The following CUL3 variants were observed in gnomAD, a reference collection of about 807,000 sequenced individuals.
CUL3 encodes the protein cullin-3.
A neutral mutation model predicts 89.1 loss-of-function variants in CUL3; 19 were observed. The observed-to-expected ratio is 0.21, with a 90% CI of 0.15 to 0.31. The LOEUF is 0.31. CUL3 is among the 10% of genes least tolerant of loss of function. The probability of loss-of-function intolerance (pLI) is 1.00; values close to 1 mark genes in which losing one functional copy is unlikely to be tolerated. For synonymous variants in CUL3, 351 were observed against 308.4 expected (o/e 1.14, Z -1.45); for missense variants, 469 against 942.3 (o/e 0.50, Z 6.58).
At chr2:224,573,831 T>C (rs1695240883) in intron 1 of CUL3, among the ~76,000 whole-genome samples, 1 of 152,178 alleles carries the variant, frequency 6.6e-6, no homozygotes, top group African/African-American at 2.4e-5. Flanking sequence ...AGTAACCACA[T>C]TATACTTAAA....
rs187908003 is a variant in CUL3, at chr2:224,485,760, G to A, written c.1843-3682C>T. On this transcript the variant is annotated intron_variant, in intron 13 of 15. Transcript: ENST00000264414. This position sits in a 1 kb window ranked among gnomAD's most constrained non-coding sequence, Gnocchi z 4.1. ...CCACAGCGCAGCACTCCAGCTCTGC[G>A]AAGGGACAGACTGCCTCCTCAAGTG... Among the ~76,000 whole-genome samples, 3 of 152,332 alleles carry A rather than the reference G, an allele frequency of 2.0e-5. No individual in the cohort carries two copies. Among genetic ancestry groups the A allele is most frequent in the East Asian group, 1.9e-4 (1 of 5,172 alleles).
intron 1 of CUL3, among the ~76,000 whole-genome samples, chr2:224,561,856 T>C (rs1694911426): frequency 6.6e-6 from 1 of 152,156 alleles, no homozygotes. Context: ...ATGCTGAGGT[T>C]CTAATAAAGC....
At chr2:224,582,903 C>G (rs1290504057) in intron 1 of CUL3, among the ~76,000 whole-genome samples, 1 of 152,094 alleles carries the variant, frequency 6.6e-6, no homozygotes, top group African/African-American at 2.4e-5. Context: ...AGCAGGGAAA[C>G]CTGAAGAGGT....
intron 1 of CUL3, among the ~76,000 whole-genome samples, chr2:224,567,431 A>T (rs1451828152): frequency 6.6e-6 from 1 of 151,920 alleles, no homozygotes; most frequent in Non-Finnish European, 1.5e-5. Context: ...TTTGTTGCCC[A>T]GGGTGGTGTT....
Position 224,496,056 on chromosome 2 carries a change from G to C in CUL3, c.1708-90C>G, listed in dbSNP as rs1196341988. On this transcript the variant is annotated intron_variant, in intron 12 of 15. Transcript: ENST00000264414. The stretch of plus-strand genomic sequence containing the variant: ...ATGTACGTACATATGTATGTTACAG[G>C]GTCTCACTTTGTCATCCAGGCTACA... 21 of 1,399,482 alleles carry C rather than the reference G, an allele frequency of 1.5e-5. No individual in the cohort carries two copies. In the Admixed American group the frequency reaches 2.4e-4, roughly 16 times the overall value. The allele number at this position is 1,399,482 out of a possible 1,614,324, so 86.7% of individuals were successfully genotyped here.
chr2:224,546,457 G>GA (rs143880314), intron 2 of CUL3, among the ~76,000 whole-genome samples: 1,589 of 148,212 alleles, frequency 0.011, 21 homozygotes, highest in African/African-American at 0.037. Context: ...CCCACACAGA[G>GA]AAAAAAAAAA....
At chr2:224,510,861 C>T (rs1303018466) in intron 6 of CUL3, among the ~76,000 whole-genome samples, 1 of 152,218 alleles carries the variant, frequency 6.6e-6, no homozygotes, top group African/African-American at 2.4e-5. Flanking sequence ...CCAAACCAAT[C>T]TAATTTATCT....
intron 6 of CUL3, among the ~76,000 whole-genome samples, chr2:224,507,560 G>A (rs1004474816): frequency 6.6e-6 from 1 of 152,124 alleles, no homozygotes; most frequent in Non-Finnish European, 1.5e-5. Context: ...CTCAGGTAAA[G>A]TTTTTATGAA....
chr2:224,496,278 G>GC (rs1248660159), intron 12 of CUL3, among the ~76,000 whole-genome samples: 1 of 152,112 alleles, frequency 6.6e-6, no homozygotes, highest in Non-Finnish European at 1.5e-5. Flanking sequence ...TGATTTGCCC[G>GC]CATAGGCTCA....
intron 13 of CUL3, among the ~76,000 whole-genome samples, chr2:224,489,778 T>A (rs1368390958): frequency 6.6e-6 from 1 of 152,080 alleles, no homozygotes; most frequent in African/African-American, 2.4e-5. Flanking sequence ...GCAATACCAT[T>A]CAGGACATAG....
rs1399082255 is a variant in CUL3, at chr2:224,560,751, TA to T, written c.67-2896del. Reference sequence around the variant, plus strand: ...TCATCAGGCAACCAGGGTGACCATGTAAAAGCATAAATCAAATCATGTCACT... The same window carrying T: ...TCATCAGGCAACCAGGGTGACCATGTAAAGCATAAATCAAATCATGTCACT... On this transcript the variant is annotated intron_variant, in intron 1 of 15. Coordinates refer to ENST00000264414, the MANE Select transcript of CUL3 (RefSeq NM_003590.5). 4 of 152,314 alleles carry T rather than the reference TA, an allele frequency of 2.6e-5. No homozygotes were observed. The East Asian group carries it at 7.7e-4, about 29-fold the overall frequency. 9.4% of individuals were successfully genotyped at this position (152,314 alleles called of 1,614,324 possible). A position where few individuals can be genotyped will look rare whatever the true frequency, so the allele number is the denominator to read the frequency against.
chr2:224,505,856 G>C (rs1039390435), intron 8 of CUL3, 100 bp downstream of exon 8: 4 of 749,480 alleles, frequency 5.3e-6, no homozygotes, highest in South Asian at 3.1e-5. Context: ...CACAGCAATG[G>C]GTCATGCTTA....
intron 15 of CUL3, among the ~76,000 whole-genome samples, chr2:224,477,677 C>T (rs560400209): frequency 9.9e-5 from 15 of 152,272 alleles, no homozygotes; most frequent in Admixed American, 3.3e-4. Context: ...GAAACCTAAA[C>T]GGCGTCTTCA....
chr2:224,489,813 A>G (rs540561888), intron 13 of CUL3, among the ~76,000 whole-genome samples: 151 of 152,342 alleles, frequency 9.9e-4, no homozygotes, highest in African/African-American at 3.6e-3. Flanking sequence ...TTCATGACTA[A>G]AACACCAAAA....
In CUL3 at chr2:224,582,598, A is replaced by G. The variant is rs575706634; in HGVS notation, c.66+2346T>C. 2.0e-5 allele frequency among the ~76,000 whole-genome samples: 3 copies of G among 152,356 alleles called. No homozygotes were observed. In the East Asian group the frequency reaches 5.8e-4, roughly 29 times the overall value. On this transcript the variant is annotated intron_variant, in intron 1 of 15. Transcript: ENST00000264414. ...GTCACTTACTTCATGTAAGGTTTTCAGAAAAACCTGCAAAAGTTATAGACA... is the reference window on the plus strand; with the variant it reads ...GTCACTTACTTCATGTAAGGTTTTCGGAAAAACCTGCAAAAGTTATAGACA...
chr2:224,552,234 T>C (rs1189090406), intron 2 of CUL3, among the ~76,000 whole-genome samples: 2 of 150,466 alleles, frequency 1.3e-5, no homozygotes, highest in Non-Finnish European at 3.0e-5. Flanking sequence ...TTTTTTACTT[T>C]ATTTAGAAAA....
chr2:224,569,801 T>C (rs764567364), intron 1 of CUL3: 2 of 1,127,688 alleles, frequency 1.8e-6, no homozygotes, highest in Middle Eastern at 2.5e-4. Flanking sequence ...AAGAAGTCTT[T>C]AGTCCTCTGT....
intron 9 of CUL3, 91 bp from the exon 10 acceptor site, chr2:224,503,163 T>C (rs887543561): frequency 1.2e-6 from 1 of 840,458 alleles, no homozygotes; most frequent in African/African-American, 1.7e-5. Context: ...ATGTTATTGC[T>C]ATCCCTGATA....
chr2:224,577,523 C>A lies in CUL3; in HGVS notation c.66+7421G>T, dbSNP rs1695330044. Among the ~76,000 whole-genome samples the A allele has an allele frequency of 2.0e-5, 3 of 150,870 alleles. No homozygotes were observed. The South Asian group carries it at 6.3e-4, about 32-fold the overall frequency. On this transcript the variant is annotated intron_variant, in intron 1 of 15. Coordinates refer to ENST00000264414, the MANE Select transcript of CUL3 (RefSeq NM_003590.5). ...GGTGGAGCTTGCACTGAGCTGAGAT[C>A]ACGCCACTGCACTCCAGCCTGGGTG... is the stretch of plus-strand genomic sequence containing the variant.
Sources: gnomAD v4.1 joint callset for allele counts (sites outside exome capture counted in the v4.1 genomes callset) on GRCh38, gnomAD v4.1.1 for gene constraint, Gnocchi (gnomAD v3.1) non-coding constraint, MANE v1.5 for transcripts, NCBI Gene and HGNC (gene_info 2026-07-23, HGNC 2026-07-21) for gene names.